The following LRRFIP2 variants were observed in gnomAD, a reference collection of about 807,000 sequenced individuals.
The protein encoded by LRRFIP2 is LRR binding FLII interacting protein 2.
LRRFIP2 carries 109 observed loss-of-function variants against 125.9 expected under a neutral mutation model. The ratio of observed to expected loss-of-function variants is 0.87; its 90% CI spans 0.74 to 1.01. The LOEUF (loss-of-function observed/expected upper bound fraction) is 1.01, where lower values mean the gene tolerates loss of function less well. LRRFIP2 is among the 50% of genes least tolerant of loss of function. The pLI is 0.00. For synonymous variants in LRRFIP2, 291 were observed against 293.1 expected (o/e 0.99, Z 0.07); for missense variants, 850 against 862.3 (o/e 0.99, Z 0.18).
intron 16 of LRRFIP2, 64 bp from the exon 17 acceptor site, chr3:37,094,972 T>A: frequency 9.6e-7 from 1 of 1,040,596 alleles, no homozygotes; most frequent in Non-Finnish European, 1.5e-6. Flanking sequence ...CTGTGGAAAC[T>A]AAAAACAGGG....
chr3:37,145,975 T>C (rs1317778307), intron 2 of LRRFIP2, among the ~76,000 whole-genome samples: 1 of 152,254 alleles, frequency 6.6e-6, no homozygotes, highest in Non-Finnish European at 1.5e-5. Flanking sequence ...TTAATGCATG[T>C]AAAATGCTTA....
At chr3:37,142,010 C>G (rs1488741367) in intron 2 of LRRFIP2, among the ~76,000 whole-genome samples, 1 of 152,078 alleles carries the variant, frequency 6.6e-6, no homozygotes, top group Non-Finnish European at 1.5e-5. Context: ...TCCAAAATGT[C>G]CTTGCCACAT....
intron 18 of LRRFIP2, among the ~76,000 whole-genome samples, chr3:37,086,630 G>A (rs1301081278): frequency 6.6e-6 from 1 of 152,072 alleles, no homozygotes; most frequent in African/African-American, 2.4e-5. Flanking sequence ...ACCACATATT[G>A]TATGATTCCA....
chr3:37,124,849 T>C (rs1486921721), intron 4 of LRRFIP2, among the ~76,000 whole-genome samples: 2 of 152,194 alleles, frequency 1.3e-5, no homozygotes, highest in African/African-American at 4.8e-5. Flanking sequence ...TAGAGCACTA[T>C]TTATATTGCC....
intron 4 of LRRFIP2, among the ~76,000 whole-genome samples, chr3:37,126,641 C>T (rs2095284757): frequency 6.6e-6 from 1 of 151,636 alleles, no homozygotes; most frequent in Non-Finnish European, 1.5e-5. Context: ...GGCGGATCAC[C>T]TGAGGTCAGT....
At chr3:37,113,070 G>T (rs2094609834) in intron 7 of LRRFIP2, 90 bp from the exon 8 acceptor site, 1 of 690,718 alleles carries the variant, frequency 1.4e-6, no homozygotes, top group Non-Finnish European at 2.5e-6. Flanking sequence ...ATACACAAAG[G>T]TCTATATGAG....
chr3:37,120,915 A>G (rs142783226), intron 6 of LRRFIP2, among the ~76,000 whole-genome samples: 1 of 152,320 alleles, frequency 6.6e-6, no homozygotes, highest in African/African-American at 2.4e-5. Context: ...GGGTCTTGGC[A>G]TAATACAAGG....
At chr3:37,112,472 A>G (rs1296404146) in intron 8 of LRRFIP2, among the ~76,000 whole-genome samples, 15 of 152,228 alleles carry the variant, frequency 9.9e-5, no homozygotes, top group Admixed American at 9.8e-4. Flanking sequence ...GCAAGCTAGT[A>G]TGGAAACTTT....
intron 4 of LRRFIP2, among the ~76,000 whole-genome samples, chr3:37,125,061 C>T (rs2095225144): frequency 6.6e-6 from 1 of 151,302 alleles, no homozygotes; most frequent in Admixed American, 6.6e-5. Flanking sequence ...AAAAAAAAGA[C>T]ATGTATTTGT....
At chr3:37,165,181 G>A (rs2096447670) in intron 1 of LRRFIP2, among the ~76,000 whole-genome samples, 1 of 151,196 alleles carries the variant, frequency 6.6e-6, no homozygotes, top group Admixed American at 6.6e-5. Flanking sequence ...CTTCCAGTGA[G>A]CCGAGACTGC....
intron 15 of LRRFIP2, among the ~76,000 whole-genome samples, chr3:37,100,425 TATATGTATAC>T (rs2093974750): frequency 7.4e-6 from 1 of 134,688 alleles, no homozygotes; most frequent in African/African-American, 2.6e-5. Flanking sequence ...TATACATACA[TATATGTATAC>T]ACATGTGTGT....
chr3:37,055,491 G>A (rs910558507), intron 25 of LRRFIP2, among the ~76,000 whole-genome samples: 17 of 152,092 alleles, frequency 1.1e-4, no homozygotes, highest in Non-Finnish European at 2.1e-4. Flanking sequence ...ACTTGAACCC[G>A]GGAGGCAGAG....
At chr3:37,142,751 C>A (rs1422982811) in intron 2 of LRRFIP2, among the ~76,000 whole-genome samples, 2 of 152,102 alleles carry the variant, frequency 1.3e-5, no homozygotes, top group Non-Finnish European at 2.9e-5. Flanking sequence ...CGGGAGAAAA[C>A]CAATTTTGTT....
chr3:37,101,899 C>T (rs1413934039), intron 15 of LRRFIP2, among the ~76,000 whole-genome samples: 5 of 152,088 alleles, frequency 3.3e-5, no homozygotes, highest in Non-Finnish European at 7.4e-5. Context: ...ACAAATGCCC[C>T]AAGGACAATC....
intron 13 of LRRFIP2, among the ~76,000 whole-genome samples, chr3:37,106,999 G>A (rs2094358269): frequency 6.6e-6 from 1 of 151,668 alleles, no homozygotes; most frequent in African/African-American, 2.4e-5. Context: ...CCACCTCCCG[G>A]GTTCAAGCAA....
rs759159619 is a variant in LRRFIP2, at chr3:37,102,980, G to A, written c.817C>T (p.Arg273Cys). Residue 273 changes from arginine to cysteine, a missense_variant, in exon 15 of 28, where the codon CGT becomes TGT. Coordinates refer to ENST00000336686, the MANE Select transcript of LRRFIP2 (RefSeq NM_006309.4). ...ACCTCAGAGACAACACTTCCCCTAC[G>A]ATTGGAGCGACTGAAATAATCAGCG... is the stretch of plus-strand genomic sequence containing the variant. ...SAADYFSRSN[R>C]RGSVVSEVDD... is the part of the protein sequence containing the mutation. 32 of 1,566,168 alleles carry A rather than the reference G, an allele frequency of 2.0e-5. No individual in the cohort carries two copies. The Middle Eastern group carries it at 6.7e-4, about 33-fold the overall frequency.
chr3:37,058,665 A>T, intron 25 of LRRFIP2, 125 bp downstream of exon 25: 2 of 924,914 alleles, frequency 2.2e-6, no homozygotes, highest in East Asian at 2.5e-5. Context: ...ACAGAGTGAG[A>T]CTCCCATCTC....
At chr3:37,082,227 G>C (rs2092703517) in intron 19 of LRRFIP2, among the ~76,000 whole-genome samples, 1 of 152,022 alleles carries the variant, frequency 6.6e-6, no homozygotes, top group African/African-American at 2.4e-5. Context: ...CTCCAAAAAT[G>C]GCCTATGGGA....
intron 18 of LRRFIP2, among the ~76,000 whole-genome samples, chr3:37,090,178 G>A (rs1038298623): frequency 2.0e-5 from 3 of 152,098 alleles, no homozygotes; most frequent in African/African-American, 7.2e-5. Flanking sequence ...TAAATGTCTT[G>A]CTTTTTGCTT....
Sources: gnomAD v4.1 joint callset for allele counts (sites outside exome capture counted in the v4.1 genomes callset) on GRCh38, gnomAD v4.1.1 for gene constraint, MANE v1.5 for transcripts, NCBI Gene and HGNC (gene_info 2026-07-23, HGNC 2026-07-21) for gene names.